LRRCC1: variants seen among roughly 807,000 people sequenced by gnomAD.
LRRCC1 encodes leucine-rich repeat and coiled-coil domain-containing protein 1.
In LRRCC1, 115 loss-of-function variants were observed where a neutral mutation model predicts 126.0. The ratio of observed to expected loss-of-function variants is 0.91; its 90% confidence interval spans 0.78 to 1.07. The LOEUF (loss-of-function observed/expected upper bound fraction) is 1.07. Among genes scored for constraint, LRRCC1 ranks in the 50% least tolerant of loss-of-function variants. The pLI, the probability that LRRCC1 is intolerant of heterozygous loss-of-function variation, is 0.00. For synonymous variants in LRRCC1, 400 were observed against 393.4 expected, an observed-to-expected ratio of 1.02 and a Z score of -0.20; for missense variants, 1,172 against 1,175.7, an observed-to-expected ratio of 1.00 and a Z score of 0.05.
chr8:85,125,897 A>G (rs1809957333), intron 8 of LRRCC1, among the ~76,000 whole-genome samples: 1 of 152,074 alleles, frequency 6.6e-6, no homozygotes, highest in African/African-American at 2.4e-5. Flanking sequence ...TTAATATTGA[A>G]AAATAATAAT....
intron 1 of LRRCC1, chr8:85,108,838 AGTT>A (rs1808471174): frequency 6.6e-6 from 1 of 152,172 alleles, no homozygotes; most frequent in Non-Finnish European, 1.5e-5. Context: ...TGTATGCTGT[AGTT>A]TGTGTTCCTG....
In LRRCC1 at chr8:85,110,420, T is replaced by A. The variant is rs189392073; in HGVS notation, c.376+240T>A. ...GCAGGAAAAACTTAATTGGAAAGGATCCAGTTGAAGGGAATATGTTTTAAT... is the reference window on the plus strand; with the variant it reads ...GCAGGAAAAACTTAATTGGAAAGGAACCAGTTGAAGGGAATATGTTTTAAT... On this transcript the variant is annotated intron_variant, in intron 3 of 18. Transcript: ENST00000360375. Among the ~76,000 whole-genome samples the A allele has an allele frequency of 3.8e-4, 58 of 152,310 alleles. 2 individuals carry two copies. The highest frequency in any genetic ancestry group is 3.5e-3 in the Admixed American group (54 of 15,298).
Position 85,138,393 on chromosome 8 carries a change from C to A in LRRCC1, c.2758C>A (p.Gln920Lys), listed in dbSNP as rs771667062. Reference protein sequence around the residue: ...KGELLCHLETQVKEVKEKFEN... With the variant: ...KGELLCHLETKVKEVKEKFEN... ...AGAACTTCTATGTCATCTTGAAACA[C>A]AAGTAAAAGAAGTGAAAGAAAAATT... The change falls in exon 17 of 19, where the codon CAA becomes AAA. Residue 920 changes from glutamine to lysine, a missense_variant. Coordinates refer to ENST00000360375, the MANE Select transcript of LRRCC1 (RefSeq NM_033402.5). 6.2e-7 allele frequency: 1 copy of A among 1,611,324 alleles called. No individual in the cohort carries two copies. Among genetic ancestry groups the A allele is most frequent in the Non-Finnish European group, 8.5e-7 (1 of 1,178,552 alleles).
chr8:85,125,566 G>A (rs1032425600), intron 8 of LRRCC1, among the ~76,000 whole-genome samples: 14 of 145,296 alleles, frequency 9.6e-5, no homozygotes, highest in African/African-American at 3.6e-4. Context: ...CCAGCTACTT[G>A]GGAGGCTGAG....
Position 85,138,348 on chromosome 8 carries a change from C to A in LRRCC1, c.2713C>A (p.Arg905=). The part of the protein sequence containing the change: ...EIRKAYSTLN[R]KWHDKGELLC... ...TACTTCTCATATTAGTACACTGAAT[C>A]GGAAGTGGCATGATAAAGGAGAACT... The change falls in exon 17 of 19, where the codon CGG becomes AGG. Residue 905 remains arginine (R), a synonymous_variant. Transcript: ENST00000360375. The A allele has an allele frequency of 6.2e-7, 1 of 1,602,910 alleles. No individual in the cohort carries two copies. Among genetic ancestry groups the A allele is most frequent in the South Asian group, 1.1e-5 (1 of 88,164 alleles).
chr8:85,110,935 T>G (rs1409539744), intron 3 of LRRCC1, among the ~76,000 whole-genome samples: 2 of 152,202 alleles, frequency 1.3e-5, no homozygotes, highest in South Asian at 2.1e-4. Flanking sequence ...TTGTCGACTC[T>G]TCTCCCCCAC....
chr8:85,131,074 TG>T (rs1431610458), intron 11 of LRRCC1, among the ~76,000 whole-genome samples: 4 of 152,220 alleles, frequency 2.6e-5, no homozygotes, highest in Admixed American at 2.6e-4. Flanking sequence ...AAACCTGTTT[TG>T]TTTTGTGTCT....
At chr8:85,111,549 T>A (rs950372861) in intron 3 of LRRCC1, among the ~76,000 whole-genome samples, 9 of 152,198 alleles carry the variant, frequency 5.9e-5, no homozygotes, top group African/African-American at 2.2e-4. Flanking sequence ...CAGTGTCTTA[T>A]AGTGATGAAA....
chr8:85,129,401 T>G (rs749916797), intron 10 of LRRCC1, 22 bp downstream of exon 10: 1 of 1,559,638 alleles, frequency 6.4e-7, no homozygotes, highest in Non-Finnish European at 8.7e-7. Flanking sequence ...TTTTAATATA[T>G]GAGTAGCACA....
intron 17 of LRRCC1, among the ~76,000 whole-genome samples, chr8:85,140,086 CA>C (rs539475349): frequency 1.3e-5 from 2 of 151,444 alleles, no homozygotes; most frequent in East Asian, 1.9e-4. Flanking sequence ...TATAATTAGC[CA>C]AAAAAAACTA....
rs904347265 is a variant in LRRCC1 at position 85,145,570 on chromosome 8, A to C, written c.*59A>C. 1 of 1,403,166 alleles carries C rather than the reference A, an allele frequency of 7.1e-7. No individual in the cohort carries two copies. Among genetic ancestry groups the C allele is most frequent in the African/African-American group, 1.5e-5 (1 of 67,574 alleles). The allele number at this position is 1,403,166 out of a possible 1,614,324, so 86.9% of individuals were successfully genotyped here. On this transcript the variant is annotated 3_prime_UTR_variant, in exon 19 of 19. Transcript: ENST00000360375. ...AGCAGACCTATTGTAAAAATGATTA[A>C]ATATTGTAATAGTAGTAACTGCTAT...
chr8:85,119,679 A>C (rs1428845357), intron 6 of LRRCC1, among the ~76,000 whole-genome samples: 1 of 151,880 alleles, frequency 6.6e-6, no homozygotes, highest in Non-Finnish European at 1.5e-5. Flanking sequence ...ATTTCAGTAG[A>C]GACAGGGTTT....
chr8:85,127,921 C>T (rs1810137346), intron 9 of LRRCC1, among the ~76,000 whole-genome samples: 2 of 152,160 alleles, frequency 1.3e-5, no homozygotes, highest in Non-Finnish European at 2.9e-5. Flanking sequence ...ATTAAGAGTG[C>T]TCTGACTACC....
chr8:85,110,716 G>A (rs1808642514), intron 3 of LRRCC1, among the ~76,000 whole-genome samples: 2 of 152,242 alleles, frequency 1.3e-5, no homozygotes, highest in South Asian at 4.1e-4. Context: ...GTTGTTGCAA[G>A]TTAAGGAACA....
chr8:85,143,285 C>T (rs1452487468), intron 18 of LRRCC1, among the ~76,000 whole-genome samples: 1 of 151,794 alleles, frequency 6.6e-6, no homozygotes, highest in Non-Finnish European at 1.5e-5. Flanking sequence ...CACACCATTG[C>T]ACTCCAGCCT....
intron 10 of LRRCC1, 143 bp downstream of exon 10, chr8:85,129,522 A>G (rs1055974221): frequency 3.2e-5 from 22 of 684,510 alleles, no homozygotes; most frequent in Middle Eastern, 4.2e-4. Context: ...TAACGGTCAC[A>G]TAGCCTGTTG....
In LRRCC1 at chr8:85,115,548, G is replaced by T. The variant is rs537861792; in HGVS notation, c.894G>T (p.Gln298His). ...ATTTGCAGAATGAGATAAAACTTCA[G>T]AAATTAGATGACCAAATTCTACAAC... ...ENDLQNEIKL[Q>H]KLDDQILQLL... Residue 298 changes from glutamine (Q) to histidine (H), a missense_variant, in exon 6 of 19, where the codon CAG becomes CAT. Transcript: ENST00000360375. The T allele has an allele frequency of 2.3e-5, 37 of 1,611,808 alleles. No homozygotes were observed. In the South Asian group the frequency reaches 4.0e-4, roughly 17 times the overall value.
intron 2 of LRRCC1, 43 bp downstream of exon 2, chr8:85,109,843 G>T (rs1389744158): frequency 1.1e-5 from 11 of 1,038,268 alleles, no homozygotes; most frequent in Non-Finnish European, 1.5e-5. Context: ...TAAGGAAAAT[G>T]ATTTAGGTCC....
intron 18 of LRRCC1, among the ~76,000 whole-genome samples, chr8:85,141,864 C>A (rs1048833190): frequency 1.3e-5 from 2 of 152,118 alleles, no homozygotes; most frequent in Admixed American, 1.3e-4. Context: ...TAATCCATCA[C>A]CACCTTGGAA....
Sources: gnomAD v4.1 joint callset for allele counts (sites outside exome capture counted in the v4.1 genomes callset) on GRCh38, gnomAD v4.1.1 for gene constraint, MANE v1.5 for transcripts, NCBI Gene and HGNC (gene_info 2026-07-23, HGNC 2026-07-21) for gene names.